MAP2K6: variants seen among roughly 807,000 people sequenced by gnomAD.
MAP2K6 encodes mitogen-activated protein kinase kinase 6.
In MAP2K6, 16 loss-of-function variants were observed where a neutral mutation model predicts 53.7. The ratio of observed to expected loss-of-function variants is 0.30; its 90% confidence interval spans 0.20 to 0.45. MAP2K6 has a LOEUF of 0.45. Ranked by LOEUF, MAP2K6 falls within the 20% of genes least tolerant of loss-of-function variation. The pLI, the probability that MAP2K6 is intolerant of heterozygous loss-of-function variation, is 1.00. For missense variants in MAP2K6, 204 were observed against 411.9 expected, an observed-to-expected ratio of 0.50 and a Z score of 4.37; for synonymous variants, 132 against 143.1, an observed-to-expected ratio of 0.92 and a Z score of 0.55.
At chr17:69,464,210 G>A (rs191133741) in intron 1 of MAP2K6, among the ~76,000 whole-genome samples, 148 of 151,718 alleles carry the variant, frequency 9.8e-4, no homozygotes, top group African/African-American at 3.2e-3. Context: ...TCAGCCTCCC[G>A]AGTAGCTGGG....
chr17:69,498,227 T>C (rs1909018174), intron 1 of MAP2K6, among the ~76,000 whole-genome samples: 1 of 152,074 alleles, frequency 6.6e-6, no homozygotes, highest in African/African-American at 2.4e-5. Context: ...GTGGGGGATG[T>C]GACAAGAGCC....
chr17:69,437,050 C>G (rs1200644825), intron 1 of MAP2K6, among the ~76,000 whole-genome samples: 3 of 152,084 alleles, frequency 2.0e-5, no homozygotes, highest in African/African-American at 7.2e-5. Context: ...TGGTCTCAAA[C>G]TTCTGACCTC....
At chr17:69,436,348 T>C (rs1906640831) in intron 1 of MAP2K6, among the ~76,000 whole-genome samples, 1 of 152,240 alleles carries the variant, frequency 6.6e-6, no homozygotes, top group Admixed American at 6.5e-5. Flanking sequence ...TTTTGTTTTA[T>C]AATAGTGATT....
At chr17:69,467,985 C>G (rs969991079) in intron 1 of MAP2K6, among the ~76,000 whole-genome samples, 1 of 152,124 alleles carries the variant, frequency 6.6e-6, no homozygotes, top group African/African-American at 2.4e-5. Context: ...AGACTGGTCT[C>G]GAACTCCTGA....
intron 1 of MAP2K6, among the ~76,000 whole-genome samples, chr17:69,486,119 G>A (rs1408147190): frequency 2.0e-5 from 3 of 152,176 alleles, no homozygotes; most frequent in African/African-American, 7.2e-5. Flanking sequence ...TGCATGTGAA[G>A]GAGAAGTGGG....
chr17:69,459,924 C>T (rs753453201), intron 1 of MAP2K6, among the ~76,000 whole-genome samples: 1 of 151,014 alleles, frequency 6.6e-6, no homozygotes, highest in East Asian at 1.9e-4. Flanking sequence ...CCTCCTTCCT[C>T]CCTTCGTTCC....
chr17:69,526,686 G>A lies in MAP2K6; in HGVS notation c.858G>A (p.Glu286=), dbSNP rs767407427. The change falls in exon 10 of 12, where the codon GAG becomes GAA. Residue 286 remains glutamate, a synonymous_variant. Transcript: ENST00000590474. ...TCCCAGCAGACAAGTTCTCTGCAGA[G>A]TTTGTTGACTTTACCTCACAGTGGT... ...PQLPADKFSA[E]FVDFTSQCLK... The A allele has an allele frequency of 6.2e-7, 1 of 1,613,754 alleles. No homozygotes were observed. The highest frequency in any genetic ancestry group is 1.7e-5 in the Admixed American group (1 of 60,012).
At chr17:69,490,531 C>T (rs1188904774) in intron 1 of MAP2K6, among the ~76,000 whole-genome samples, 1 of 152,032 alleles carries the variant, frequency 6.6e-6, no homozygotes, top group African/African-American at 2.4e-5. Context: ...GCAAGAAATA[C>T]ATTTGTTAGA....
chr17:69,467,522 T>C (rs1598276632), intron 1 of MAP2K6, among the ~76,000 whole-genome samples: 1 of 152,164 alleles, frequency 6.6e-6, no homozygotes, highest in African/African-American at 2.4e-5. Flanking sequence ...TGTGTATTGA[T>C]TGGGTTTTCT....
intron 10 of MAP2K6, among the ~76,000 whole-genome samples, chr17:69,533,731 G>GTTTTT (rs199915836): frequency 3.5e-5 from 4 of 114,986 alleles, no homozygotes; most frequent in Admixed American, 1.1e-4. Context: ...CTTCTAGCCT[G>GTTTTT]TTTGTTTTTT....
In MAP2K6 at chr17:69,542,065, A is replaced by G. The variant is rs1235060868; in HGVS notation, c.*312A>G. ...CTCTTATTCTTTACAAAATGAATGCATTGGCCCTGACAAAAAGGTGCTACG... is the reference window on the plus strand; with the variant it reads ...CTCTTATTCTTTACAAAATGAATGCGTTGGCCCTGACAAAAAGGTGCTACG... On this transcript the variant is annotated 3_prime_UTR_variant, in exon 12 of 12. Transcript: ENST00000590474. The G allele has an allele frequency of 6.2e-6, 1 of 162,116 alleles. No individual in the cohort carries two copies. The allele number at this position is 162,116 out of a possible 1,614,324, so 10.0% of individuals were successfully genotyped here.
chr17:69,475,859 T>C (rs1908132702), intron 1 of MAP2K6, among the ~76,000 whole-genome samples: 1 of 152,152 alleles, frequency 6.6e-6, no homozygotes, highest in Non-Finnish European at 1.5e-5. Context: ...TAGAGACTGG[T>C]TCAGCCATGG....
intron 10 of MAP2K6, among the ~76,000 whole-genome samples, chr17:69,528,859 CAAAAAAAAAAAAA>C (rs58897757): frequency 3.4e-5 from 2 of 59,090 alleles, no homozygotes; most frequent in African/African-American, 1.4e-4. Context: ...GACGCCATCT[CAAAAAAAAAAAAA>C]AAAAAAAAAA....
intron 2 of MAP2K6, 108 bp downstream of exon 2, chr17:69,505,954 T>A: frequency 1.1e-6 from 1 of 884,546 alleles, no homozygotes; most frequent in Non-Finnish European, 1.8e-6. Flanking sequence ...GAAGAGCCCT[T>A]TAAGGGGGAA....
intron 2 of MAP2K6, among the ~76,000 whole-genome samples, chr17:69,511,727 C>G (rs535412412): frequency 6.6e-6 from 1 of 152,296 alleles, no homozygotes; most frequent in Admixed American, 6.5e-5. Context: ...GGAGCCAGAA[C>G]ACTTAGGTTT....
At chr17:69,482,610 TA>T (rs987990533) in intron 1 of MAP2K6, among the ~76,000 whole-genome samples, 2 of 151,654 alleles carry the variant, frequency 1.3e-5, no homozygotes, top group African/African-American at 4.9e-5. Flanking sequence ...CATCAATACA[TA>T]AAAAAAACTT....
chr17:69,420,421 T>A (rs1481534074), intron 1 of MAP2K6, among the ~76,000 whole-genome samples: 1 of 152,222 alleles, frequency 6.6e-6, no homozygotes, highest in Non-Finnish European at 1.5e-5. Context: ...CTAGAATCTT[T>A]AAGATTCTTG....
chr17:69,517,663 G>A (rs1355339427), intron 4 of MAP2K6, 50 bp downstream of exon 4: 1 of 1,294,254 alleles, frequency 7.7e-7, no homozygotes, highest in Non-Finnish European at 1.1e-6. Context: ...GTATACATTT[G>A]TCCACCTCAA....
chr17:69,474,159 T>C (rs943862651), intron 1 of MAP2K6, among the ~76,000 whole-genome samples: 4 of 152,230 alleles, frequency 2.6e-5, no homozygotes, highest in Admixed American at 1.3e-4. Context: ...TGGTGTGTTA[T>C]GGTATTTATG....
Sources: allele counts gnomAD v4.1 joint callset (sites outside exome capture counted in the v4.1 genomes callset), GRCh38; gene constraint gnomAD v4.1.1; transcripts MANE v1.5; gene names NCBI Gene and HGNC (gene_info 2026-07-23, HGNC 2026-07-21).